PLAG1: variants seen among roughly 807,000 people sequenced by gnomAD.
The protein encoded by PLAG1 is zinc finger protein PLAG1.
A neutral mutation model predicts 35.5 loss-of-function variants in PLAG1; 7 were observed. The observed-to-expected ratio is 0.20, with a 90% CI of 0.11 to 0.37. The LOEUF (loss-of-function observed/expected upper bound fraction) is 0.37. PLAG1 is among the 10% of genes least tolerant of loss of function. The pLI is 1.00. For missense variants in PLAG1, 454 were observed against 602.8 expected, an observed-to-expected ratio of 0.75 and a Z score of 2.58; for synonymous variants, 229 against 225.4, an observed-to-expected ratio of 1.02 and a Z score of -0.14.
rs188076400 is a variant in PLAG1 at position 56,166,387 on chromosome 8, A to G, written c.1359T>C (p.Val453=). Residue 453 remains valine (V), a synonymous_variant, in exon 5 of 5, where the codon GTT becomes GTC. Coordinates refer to ENST00000316981, the MANE Select transcript of PLAG1 (RefSeq NM_002655.3). ...CCTGTGTTTGTGGGGGGAGCTGGGA[A>G]ACAGAAGAATGTGCTTCTTCCTGGG... is the stretch of plus-strand genomic sequence containing the variant. The part of the protein sequence containing the change: ...SYSQEEAHSS[V]SQLPPQTQDL... The G allele has an allele frequency of 1.1e-5, 18 of 1,613,948 alleles. No homozygotes were observed. In the East Asian group the frequency reaches 4.0e-4, roughly 36 times the overall value.
intron 1 of PLAG1, among the ~76,000 whole-genome samples, chr8:56,181,363 T>C (rs1348989901): frequency 6.6e-6 from 1 of 152,202 alleles, no homozygotes. Context: ...GTGGCACATA[T>C]ACACCATGGA....
Position 56,167,901 on chromosome 8 carries a change from A to G in PLAG1, c.242+127T>C. 1.7e-6 allele frequency: 1 copy of G among 585,824 alleles called. No individual in the cohort carries two copies. The highest frequency in any genetic ancestry group is 2.7e-5 in the East Asian group (1 of 37,076). The allele number at this position is 585,824 out of a possible 1,614,324, so 36.3% of individuals were successfully genotyped here. A position where few individuals can be genotyped will look rare whatever the true frequency, so the allele number is the denominator to read the frequency against. Reference sequence around the variant, plus strand: ...AATACTAAAAACTAAACCAATGTCTAATCTACTTAACATTTCCTCTTTGCA... The same window carrying G: ...AATACTAAAAACTAAACCAATGTCTGATCTACTTAACATTTCCTCTTTGCA... On this transcript the variant is annotated intron_variant, in intron 4 of 4. Transcript: ENST00000316981. The surrounding 1 kb of genome is among the most constrained non-coding windows in gnomAD (Gnocchi z 5.9).
At chr8:56,204,401 G>C (rs972301402) in intron 1 of PLAG1, among the ~76,000 whole-genome samples, 1 of 151,702 alleles carries the variant, frequency 6.6e-6, no homozygotes, top group Non-Finnish European at 1.5e-5. Context: ...ACTATCTTAA[G>C]TTTCCAGGTT....
At chr8:56,198,680 C>A (rs1346499734) in intron 1 of PLAG1, among the ~76,000 whole-genome samples, 1 of 152,188 alleles carries the variant, frequency 6.6e-6, no homozygotes, top group East Asian at 1.9e-4. Flanking sequence ...TCACTCCTGG[C>A]CCACCCCTTC....
At chr8:56,199,415 G>T (rs565052232) in intron 1 of PLAG1, among the ~76,000 whole-genome samples, 1 of 152,036 alleles carries the variant, frequency 6.6e-6, no homozygotes, top group African/African-American at 2.4e-5. Context: ...AAAGAGTAAG[G>T]GGAGATGAAA....
intron 1 of PLAG1, among the ~76,000 whole-genome samples, chr8:56,181,984 A>C (rs2129228531): frequency 6.6e-6 from 1 of 152,372 alleles, no homozygotes; most frequent in African/African-American, 2.4e-5. Flanking sequence ...AAAAGAAGTC[A>C]GAGATTAGAA....
chr8:56,195,530 T>G (rs1414607479), intron 1 of PLAG1, among the ~76,000 whole-genome samples: 3 of 152,140 alleles, frequency 2.0e-5, no homozygotes, highest in Non-Finnish European at 4.4e-5. Context: ...GGGGAGAACA[T>G]GCAGAGGGCA....
chr8:56,179,628 T>G (rs534955695), intron 1 of PLAG1, 115 bp from the exon 2 acceptor site: 1 of 154,156 alleles, frequency 6.5e-6, no homozygotes, highest in African/African-American at 2.4e-5. Flanking sequence ...CTTTGCACTT[T>G]ATTGAAAAAT....
At chr8:56,191,873 A>G (rs957698877) in intron 1 of PLAG1, among the ~76,000 whole-genome samples, 2 of 151,456 alleles carry the variant, frequency 1.3e-5, no homozygotes, top group Non-Finnish European at 1.5e-5. Context: ...AGACACTACA[A>G]ATCTACACAT....
chr8:56,210,819 T>A (rs1311224800), intron 1 of PLAG1, among the ~76,000 whole-genome samples: 1 of 151,096 alleles, frequency 6.6e-6, no homozygotes, highest in African/African-American at 2.4e-5. Context: ...TTCCAGACCC[T>A]GAATAAAGGT....
chr8:56,208,297 T>C (rs1230481233), intron 1 of PLAG1, among the ~76,000 whole-genome samples: 1 of 152,180 alleles, frequency 6.6e-6, no homozygotes, highest in Non-Finnish European at 1.5e-5. Context: ...TCATTGGGCA[T>C]GGAGGAGTTT....
At chr8:56,172,223 CTAAA>C (rs1046250202) in intron 2 of PLAG1, among the ~76,000 whole-genome samples, 1 of 152,180 alleles carries the variant, frequency 6.6e-6, no homozygotes, top group African/African-American at 2.4e-5. Flanking sequence ...TTGATGATGT[CTAAA>C]TAAAGTATTT....
Position 56,166,326 on chromosome 8 carries a change from ACCCAAG to A in PLAG1, c.1414_1419del (p.Leu472_Gly473del), listed in dbSNP as rs780957066. The A allele has an allele frequency of 1.9e-5, 31 of 1,613,802 alleles. No individual in the cohort carries two copies. Among genetic ancestry groups the A allele is most frequent in the Non-Finnish European group, 2.5e-5 (30 of 1,179,804 alleles). On this transcript the variant is annotated inframe_deletion, in exon 5 of 5. Coordinates refer to ENST00000316981, the MANE Select transcript of PLAG1 (RefSeq NM_002655.3). ...AAAGCTGCTGACAGTGAGTGCAGAG[ACCCAAG>A]CCCTATAGTGTTTGCAGGATCCTGA...
chr8:56,208,074 T>G (rs1465410198), intron 1 of PLAG1, among the ~76,000 whole-genome samples: 1 of 152,142 alleles, frequency 6.6e-6, no homozygotes, highest in Non-Finnish European at 1.5e-5. Context: ...TTCCTTCATT[T>G]TTTTATAGAG....
chr8:56,195,309 A>G (rs1585815058), intron 1 of PLAG1, among the ~76,000 whole-genome samples: 1 of 152,306 alleles, frequency 6.6e-6, no homozygotes, highest in South Asian at 2.1e-4. Flanking sequence ...GGGAATCAAG[A>G]CAATACCCAT....
In PLAG1 at chr8:56,167,493, T is replaced by C. The variant is rs1322874750; in HGVS notation, c.253A>G (p.Thr85Ala). ...TTGTGGGTTTTCTCAGGAGAATGAG[T>C]AGCCATGTGCCTTTAAACACAGATA... ...SKYKLQRHMA[T>A]HSPEKTHKCN... Residue 85 changes from threonine (T) to alanine (A), a missense_variant, in exon 5 of 5, where the codon ACT (threonine) becomes GCT (alanine). Thr to Ala is a moderately conservative substitution (Grantham distance 58). Transcript: ENST00000316981. This position sits in a 1 kb window ranked among gnomAD's most constrained non-coding sequence, Gnocchi z 5.9. 1.9e-6 allele frequency: 3 copies of C among 1,604,592 alleles called. No individual in the cohort carries two copies. Among genetic ancestry groups the C allele is most frequent in the Admixed American group, 1.7e-5 (1 of 59,612 alleles).
At position 56,161,411 on chromosome 8, in the gene PLAG1, G is replaced by T. The variant is rs113398485; in HGVS notation, c.*4832C>A. ...ATTAGCTAAAAATACAATTTCAGCAGTCCAGCTTATGTTCAGGTATGATGC... is the reference window on the plus strand; with the variant it reads ...ATTAGCTAAAAATACAATTTCAGCATTCCAGCTTATGTTCAGGTATGATGC... On this transcript the variant is annotated 3_prime_UTR_variant, in exon 5 of 5. Transcript: ENST00000316981. 1.8e-5 allele frequency: 4 copies of T among 220,190 alleles called. No individual in the cohort carries two copies. The highest frequency in any genetic ancestry group is 9.0e-5 in the African/African-American group (4 of 44,586). The allele number at this position is 220,190 out of a possible 1,614,324, so 13.6% of individuals were successfully genotyped here.
At chr8:56,205,940 T>C (rs934789389) in intron 1 of PLAG1, among the ~76,000 whole-genome samples, 5 of 152,030 alleles carry the variant, frequency 3.3e-5, no homozygotes, top group African/African-American at 1.2e-4. Flanking sequence ...AATACCATGA[T>C]CCTGTAGTAA....
intron 1 of PLAG1, among the ~76,000 whole-genome samples, chr8:56,180,871 A>G (rs1811845580): frequency 6.6e-6 from 1 of 152,212 alleles, no homozygotes; most frequent in South Asian, 2.1e-4. Flanking sequence ...TACAAGAAAA[A>G]ACCCAGTCAA....
Sources: gnomAD v4.1 joint callset for allele counts (sites outside exome capture counted in the v4.1 genomes callset) on GRCh38, gnomAD v4.1.1 for gene constraint, Gnocchi (gnomAD v3.1) non-coding constraint, MANE v1.5 for transcripts, NCBI Gene and HGNC (gene_info 2026-07-23, HGNC 2026-07-21) for gene names.